The following RNF130 variants were observed in gnomAD, a reference collection of about 807,000 sequenced individuals.
The protein encoded by RNF130 is ring finger protein 130.
A neutral mutation model predicts 44.6 loss-of-function variants in RNF130; 21 were observed. The ratio of observed to expected loss-of-function variants is 0.47; its 90% confidence interval spans 0.33 to 0.68. The LOEUF is 0.68. Among genes scored for constraint, RNF130 ranks in the 30% least tolerant of loss-of-function variants. The pLI is 0.02. For synonymous variants in RNF130, 214 were observed against 210.4 expected (o/e 1.02, Z -0.15); for missense variants, 479 against 560.6 (o/e 0.85, Z 1.47).
intron 3 of RNF130, among the ~76,000 whole-genome samples, chr5:180,006,095 T>C (rs1320797297): frequency 6.6e-6 from 1 of 152,186 alleles, no homozygotes; most frequent in Non-Finnish European, 1.5e-5. Context: ...TTAAAACTGG[T>C]AAGATAATAA....
At chr5:180,005,448 C>T (rs1309872511) in intron 3 of RNF130, among the ~76,000 whole-genome samples, 2 of 151,952 alleles carry the variant, frequency 1.3e-5, no homozygotes, top group African/African-American at 4.8e-5. Flanking sequence ...ACAACAACAA[C>T]ACCAACAGAA....
Position 179,966,908 on chromosome 5 carries a change from T to G in RNF130, c.1048A>C (p.Asn350His). ...RSALGDLAGD[N>H]SLGLEPLRTS... Reference sequence around the variant, plus strand: ...CGAAGTGGCTCAAGGCCAAGGGAGTTGTCGCCGGCGAGGTCGCCGAGGGCT... The same window carrying G: ...CGAAGTGGCTCAAGGCCAAGGGAGTGGTCGCCGGCGAGGTCGCCGAGGGCT... Residue 350 changes from asparagine (N) to histidine (H), a missense_variant, in exon 7 of 9, where the codon AAC (asparagine) becomes CAC (histidine). Asn to His is a moderately conservative substitution (Grantham distance 68). Coordinates refer to ENST00000521389, the MANE Select transcript of RNF130 (RefSeq NM_018434.6). 6.2e-7 allele frequency: 1 copy of G among 1,614,240 alleles called. No individual in the cohort carries two copies. Among genetic ancestry groups the G allele is most frequent in the Non-Finnish European group, 8.5e-7 (1 of 1,180,042 alleles).
chr5:180,012,547 T>C (rs1763617443), intron 3 of RNF130, among the ~76,000 whole-genome samples: 1 of 152,168 alleles, frequency 6.6e-6, no homozygotes, highest in Non-Finnish European at 1.5e-5. Flanking sequence ...GATGACTACA[T>C]AGACAGACAT....
At chr5:180,020,125 T>C (rs1471869203) in intron 2 of RNF130, among the ~76,000 whole-genome samples, 1 of 151,962 alleles carries the variant, frequency 6.6e-6, no homozygotes, top group Non-Finnish European at 1.5e-5. Flanking sequence ...CAACTCGAGA[T>C]GTAACAATTC....
At chr5:180,050,798 T>G (rs961790355) in intron 1 of RNF130, among the ~76,000 whole-genome samples, 1 of 152,210 alleles carries the variant, frequency 6.6e-6, no homozygotes, top group Non-Finnish European at 1.5e-5. Context: ...GGGTTGTTCT[T>G]GCACTGTCCT....
At chr5:180,062,828 C>T (rs1765018408) in intron 1 of RNF130, among the ~76,000 whole-genome samples, 1 of 152,170 alleles carries the variant, frequency 6.6e-6, no homozygotes, top group African/African-American at 2.4e-5. Flanking sequence ...TACTAATGGC[C>T]ATTACATTCT....
chr5:180,019,823 T>C (rs1763831729), intron 2 of RNF130, among the ~76,000 whole-genome samples: 1 of 152,126 alleles, frequency 6.6e-6, no homozygotes, highest in Admixed American at 6.5e-5. Context: ...GTCAGAAAAA[T>C]AAAGTGCAAA....
chr5:179,954,037 C>T (rs1322807580), downstream of RNF130, among the ~76,000 whole-genome samples: 1 of 152,144 alleles, frequency 6.6e-6, no homozygotes, highest in Non-Finnish European at 1.5e-5. Flanking sequence ...ATGTTAAAAA[C>T]ATGAGACAAC....
intron 3 of RNF130, among the ~76,000 whole-genome samples, chr5:179,987,329 G>A (rs1385371166): frequency 1.3e-5 from 2 of 152,062 alleles, no homozygotes; most frequent in Non-Finnish European, 2.9e-5. Context: ...CACCACACCT[G>A]GCTAATTTCT....
intron 2 of RNF130, among the ~76,000 whole-genome samples, chr5:180,028,689 A>C (rs2113118421): frequency 6.6e-6 from 1 of 152,248 alleles, no homozygotes. Flanking sequence ...CCCGGCAAAC[A>C]CTCACTCGTA....
At position 180,052,472 on chromosome 5, in the gene RNF130, G is replaced by C. The variant is rs768261221; in HGVS notation, c.248-11825C>G. On this transcript the variant is annotated intron_variant, in intron 1 of 8. Transcript: ENST00000521389. ...ACACAAGGACACCACCCTTGATCCAGAGCAGCGCCTGAAGGCACTACTAAC... is the reference window on the plus strand; with the variant it reads ...ACACAAGGACACCACCCTTGATCCACAGCAGCGCCTGAAGGCACTACTAAC... Among the ~76,000 whole-genome samples the C allele has an allele frequency of 3.7e-4, 56 of 152,226 alleles. 1 individual carries two copies. The highest frequency in any genetic ancestry group is 4.6e-4 in the Non-Finnish European group (31 of 68,034).
At chr5:180,037,195 T>C (rs1764268341) in intron 2 of RNF130, among the ~76,000 whole-genome samples, 1 of 152,230 alleles carries the variant, frequency 6.6e-6, no homozygotes, top group East Asian at 1.9e-4. Context: ...AATCTGCTGT[T>C]ACAATGCTGT....
intron 7 of RNF130, among the ~76,000 whole-genome samples, chr5:179,965,337 C>T (rs556738922): frequency 6.6e-6 from 1 of 152,306 alleles, no homozygotes; most frequent in African/African-American, 2.4e-5. Context: ...GTGCCCAGGG[C>T]TTCGGAGGGA....
chr5:180,036,195 A>G (rs1764246549), intron 2 of RNF130, among the ~76,000 whole-genome samples: 1 of 152,016 alleles, frequency 6.6e-6, no homozygotes, highest in African/African-American at 2.4e-5. Flanking sequence ...CTGCTTGTTC[A>G]CTTTTGTTTA....
intron 7 of RNF130, among the ~76,000 whole-genome samples, chr5:179,945,668 T>C (rs976185815): frequency 2.6e-5 from 4 of 152,088 alleles, no homozygotes; most frequent in African/African-American, 9.7e-5. Context: ...GTGTGTTGAA[T>C]GTATCGGAGG....
intron 1 of RNF130, among the ~76,000 whole-genome samples, chr5:180,065,705 T>A (rs1029091318): frequency 6.6e-6 from 1 of 150,680 alleles, no homozygotes; most frequent in Non-Finnish European, 1.5e-5. Flanking sequence ...GGTTGCAGTG[T>A]GCCAAGATCA....
intron 7 of RNF130, among the ~76,000 whole-genome samples, chr5:179,964,601 A>G (rs1220283810): frequency 6.6e-6 from 1 of 152,228 alleles, no homozygotes; most frequent in Non-Finnish European, 1.5e-5. Context: ...TGTGTTTCTC[A>G]ATCTGGGTTC....
At chr5:180,069,837 T>C (rs981950114) in intron 1 of RNF130, among the ~76,000 whole-genome samples, 1 of 152,134 alleles carries the variant, frequency 6.6e-6, no homozygotes, top group African/African-American at 2.4e-5. Context: ...TCAATACACA[T>C]GAGTTAGTTT....
chr5:179,982,781 A>T (rs1411363888), intron 3 of RNF130, among the ~76,000 whole-genome samples: 3 of 152,150 alleles, frequency 2.0e-5, no homozygotes, highest in Non-Finnish European at 4.4e-5. Flanking sequence ...ACGAGGTCTC[A>T]CTATGTTGCC....
Sources: gnomAD v4.1 joint callset for allele counts (sites outside exome capture counted in the v4.1 genomes callset) on GRCh38, gnomAD v4.1.1 for gene constraint, MANE v1.5 for transcripts, NCBI Gene and HGNC (gene_info 2026-07-23, HGNC 2026-07-21) for gene names.